Variants in SUPT3H observed in about 807,000 individuals in gnomAD.
SUPT3H encodes the protein transcription initiation protein SPT3 homolog.
SUPT3H carries 44 observed loss-of-function variants against 44.3 expected under a neutral mutation model. The observed-to-expected ratio is 0.99, with a 90% CI of 0.78 to 1.28. The LOEUF is 1.28. Among genes scored for constraint, SUPT3H ranks in the 50% most tolerant of loss-of-function variants. SUPT3H has a pLI of 0.00. For missense variants in SUPT3H, 380 were observed against 387.1 expected (o/e 0.98, Z 0.15); for synonymous variants, 124 against 125.6 (o/e 0.99, Z 0.09).
chr6:45,141,848 A>G (rs1375692738), intron 2 of SUPT3H, among the ~76,000 whole-genome samples: 1 of 152,216 alleles, frequency 6.6e-6, no homozygotes, highest in Non-Finnish European at 1.5e-5. Flanking sequence ...AAACTTCGCT[A>G]GTCTAGCTAG....
At position 44,828,401 on chromosome 6, in the gene SUPT3H, C is replaced by T. The variant is rs1768022079; in HGVS notation, c.*1415G>A. 6.6e-6 allele frequency among the ~76,000 whole-genome samples: 1 copy of T among 152,038 alleles called. No individual in the cohort carries two copies. On this transcript the variant is annotated 3_prime_UTR_variant, in exon 11 of 11. Coordinates refer to ENST00000371459, the MANE Select transcript of SUPT3H (RefSeq NM_003599.4). ...TTTTTCTAAAAAGATTAACATAGAG[C>T]AGGTAAATGACAGTTAACAAATGTA...
chr6:44,817,559 A>G (rs1426834239), intron 11 of SUPT3H, among the ~76,000 whole-genome samples: 1 of 152,170 alleles, frequency 6.6e-6, no homozygotes, highest in African/African-American at 2.4e-5. Flanking sequence ...ATGATCATCT[A>G]TGTAGAAAAT....
intron 2 of SUPT3H, among the ~76,000 whole-genome samples, chr6:45,342,220 T>G (rs992553648): frequency 6.6e-6 from 1 of 151,944 alleles, no homozygotes; most frequent in African/African-American, 2.4e-5. Context: ...ACTACAGTTG[T>G]GCCTAGTGAA....
chr6:45,344,968 G>A (rs1158990670), intron 2 of SUPT3H, among the ~76,000 whole-genome samples: 1 of 152,102 alleles, frequency 6.6e-6, no homozygotes, highest in African/African-American at 2.4e-5. Flanking sequence ...CTTCATTCTG[G>A]TGAGTTTAGA....
At chr6:45,299,859 T>C (rs1398091141) in intron 2 of SUPT3H, among the ~76,000 whole-genome samples, 1 of 97,144 alleles carries the variant, frequency 1.0e-5, no homozygotes, top group African/African-American at 5.5e-5. Flanking sequence ...AGGAAAAATG[T>C]TTTTATGTTC....
intron 10 of SUPT3H, among the ~76,000 whole-genome samples, chr6:44,912,486 T>C (rs1402591856): frequency 6.6e-6 from 1 of 152,228 alleles, no homozygotes; most frequent in African/African-American, 2.4e-5. Context: ...CATCATCAGT[T>C]GCCTCTTATT....
At chr6:44,983,928 A>G (rs1429600169) in intron 6 of SUPT3H, among the ~76,000 whole-genome samples, 1 of 152,188 alleles carries the variant, frequency 6.6e-6, no homozygotes, top group Non-Finnish European at 1.5e-5. Flanking sequence ...TATGCTCTGT[A>G]GCTTTTTAAA....
chr6:45,334,215 A>C (rs1788082888), intron 2 of SUPT3H, among the ~76,000 whole-genome samples: 1 of 151,204 alleles, frequency 6.6e-6, no homozygotes, highest in Non-Finnish European at 1.5e-5. Context: ...AAGTCAAATA[A>C]GGTAATTTTA....
chr6:45,125,853 T>C (rs896925073), intron 2 of SUPT3H, among the ~76,000 whole-genome samples: 27 of 152,298 alleles, frequency 1.8e-4, no homozygotes, highest in African/African-American at 6.5e-4. Context: ...TTTCTGGTTT[T>C]AAAAGACTTC....
intron 3 of SUPT3H, among the ~76,000 whole-genome samples, chr6:45,038,573 G>T (rs73442973): frequency 0.012 from 1,845 of 152,160 alleles, 40 homozygotes; most frequent in African/African-American, 0.042. Context: ...TCCACTTTTG[G>T]CTTTAAAACA....
intron 2 of SUPT3H, among the ~76,000 whole-genome samples, chr6:45,318,565 T>C (rs186863793): frequency 6.6e-6 from 1 of 152,280 alleles, no homozygotes; most frequent in African/African-American, 2.4e-5. Flanking sequence ...GATCAATTTG[T>C]CTGTAAATTT....
At chr6:44,930,515 G>C (rs138870834) in intron 10 of SUPT3H, among the ~76,000 whole-genome samples, 171 of 145,772 alleles carry the variant, frequency 1.2e-3, no homozygotes, top group African/African-American at 4.0e-3. Flanking sequence ...AGTGAGCTGA[G>C]ATCGTACCAA....
At chr6:45,073,107 T>G (rs938768100) in intron 3 of SUPT3H, among the ~76,000 whole-genome samples, 3 of 152,084 alleles carry the variant, frequency 2.0e-5, no homozygotes, top group African/African-American at 7.2e-5. Flanking sequence ...AGACAAGATT[T>G]TGGTTGATAC....
chr6:45,288,563 A>G (rs570697526), intron 2 of SUPT3H, among the ~76,000 whole-genome samples: 13,564 of 44,168 alleles, frequency 0.31, 1,327 homozygotes, highest in African/African-American at 0.47. Flanking sequence ...ATATATATAT[A>G]TGTATATATA....
intron 11 of SUPT3H, among the ~76,000 whole-genome samples, chr6:44,819,094 T>G (rs1043384208): frequency 1.2e-4 from 18 of 152,264 alleles, no homozygotes; most frequent in African/African-American, 4.1e-4. Flanking sequence ...AGCGAATGGA[T>G]GAACAAATTG....
intron 6 of SUPT3H, among the ~76,000 whole-genome samples, chr6:45,002,330 T>C (rs553518956): frequency 6.6e-6 from 1 of 152,160 alleles, no homozygotes; most frequent in East Asian, 1.9e-4. Context: ...TTCTTGATTG[T>C]GGAATGCCCT....
rs573695174 is a variant in SUPT3H at position 45,230,846 on chromosome 6, G to A, written c.102-124840C>T. On this transcript the variant is annotated intron_variant, in intron 2 of 10. Coordinates refer to ENST00000371459, the MANE Select transcript of SUPT3H (RefSeq NM_003599.4). The stretch of plus-strand genomic sequence containing the variant: ...TGCCACCATGCCTGGCTAATTTTTT[G>A]TATTTTAGTAGAGACAGGGTTTCAC... 5.3e-5 allele frequency among the ~76,000 whole-genome samples: 8 copies of A among 151,154 alleles called. No homozygotes were observed. In the East Asian group the frequency reaches 1.6e-3, roughly 29 times the overall value.
intron 2 of SUPT3H, among the ~76,000 whole-genome samples, chr6:45,192,437 CTT>C (rs1040819780): frequency 2.3e-4 from 35 of 152,178 alleles, no homozygotes; most frequent in African/African-American, 8.2e-4. Context: ...GAAAATGAAA[CTT>C]GATTACTTCA....
At chr6:45,032,835 T>C (rs140388795) in intron 3 of SUPT3H, among the ~76,000 whole-genome samples, 101 of 152,286 alleles carry the variant, frequency 6.6e-4, no homozygotes, top group African/African-American at 2.2e-3. Context: ...GCTCTCTTTA[T>C]AAGAAGGCGG....
Sources: allele counts gnomAD v4.1 joint callset (sites outside exome capture counted in the v4.1 genomes callset), GRCh38; gene constraint gnomAD v4.1.1; transcripts MANE v1.5; gene names NCBI Gene and HGNC (gene_info 2026-07-23, HGNC 2026-07-21).